The following ZNF177 variants were observed in gnomAD, a reference collection of about 807,000 sequenced individuals.
The protein encoded by ZNF177 is zinc finger protein 177.
In ZNF177, 17 loss-of-function variants were observed where a neutral mutation model predicts 19.4. That is an observed-to-expected ratio of 0.87 (90% CI 0.60 to 1.31). The LOEUF (loss-of-function observed/expected upper bound fraction) is 1.31, where lower values mean the gene tolerates loss of function less well. Ranked by LOEUF, ZNF177 falls within the 40% of genes most tolerant of loss-of-function variation. The pLI, the probability that ZNF177 is intolerant of heterozygous loss-of-function variation, is 0.00. For missense variants in ZNF177, 633 were observed against 561.8 expected (o/e 1.13, Z -1.28); for synonymous variants, 220 against 188.7 (o/e 1.17, Z -1.36).
chr19:9,380,813 C>T, exon 6 of ZNF177: 7 of 1,536,112 alleles, frequency 4.6e-6, no homozygotes, highest in Non-Finnish European at 6.1e-6. Context: ...AACCATCCCT[C>T]AACTCTTAGG....
chr19:9,380,561 A>G (rs2068180706), intron 5 of ZNF177, 107 bp from the exon 8 acceptor site: 6 of 1,534,048 alleles, frequency 3.9e-6, no homozygotes, highest in African/African-American at 1.4e-5. Context: ...CATGTCAGTC[A>G]TGATCATGTG....
chr19:9,378,628 G>A (rs1264584226), intron 2 of ZNF177: 21 of 580,658 alleles, frequency 3.6e-5, no homozygotes, highest in Non-Finnish European at 5.5e-5. Flanking sequence ...CATTTCTCAA[G>A]TATTTCTTGC....
chr19:9,366,108 A>G (rs1232766524), intron 2 of ZNF177, among the ~76,000 whole-genome samples: 1 of 151,972 alleles, frequency 6.6e-6, no homozygotes, highest in Non-Finnish European at 1.5e-5. Flanking sequence ...TCAGCCTCCC[A>G]AGTAGCTAGG....
At chr19:9,381,625 G>C in exon 6 of ZNF177, 1 of 1,614,018 alleles carries the variant, frequency 6.2e-7, no homozygotes, top group Non-Finnish European at 8.5e-7. Context: ...ATGTGGGAAG[G>C]CCTTTAGGAA....
chr19:9,382,338 G>GTT (rs934538376), downstream of ZNF177: 1 of 398,830 alleles, frequency 2.5e-6, no homozygotes, highest in South Asian at 1.3e-4. Flanking sequence ...CTCATCTGGT[G>GTT]TTTTTTTCTT....
chr19:9,366,730 G>C (rs2122487851), intron 2 of ZNF177, among the ~76,000 whole-genome samples: 1 of 152,290 alleles, frequency 6.6e-6, no homozygotes, highest in South Asian at 2.1e-4. Context: ...TTGTTCATGA[G>C]ACGAACTTTT....
At chr19:9,377,631 G>T (rs1438508447) in intron 1 of ZNF177, among the ~76,000 whole-genome samples, 2 of 152,140 alleles carry the variant, frequency 1.3e-5, no homozygotes, top group East Asian at 3.9e-4. Context: ...GGCCTGGAAG[G>T]TAGGCTACTG....
At chr19:9,368,280 G>A (rs1323167108) in intron 2 of ZNF177, among the ~76,000 whole-genome samples, 2 of 152,086 alleles carry the variant, frequency 1.3e-5, no homozygotes, top group African/African-American at 4.8e-5. Context: ...CAAGTCAGTG[G>A]CATTCATTGC....
exon 2 of ZNF177, chr19:9,378,293 G>GT: frequency 1.2e-6 from 2 of 1,613,568 alleles, no homozygotes; most frequent in Non-Finnish European, 1.7e-6. Context: ...AGCCAGGAAG[G>GT]AAACCTACAG....
exon 6 of ZNF177, chr19:9,381,147 G>A (rs1327690134): frequency 1.2e-6 from 2 of 1,614,022 alleles, no homozygotes; most frequent in African/African-American, 1.3e-5. Context: ...TGTCCCTTCA[G>A]AACTGTGTCA....
At chr19:9,379,010 T>G in exon 3 of ZNF177, 1 of 1,609,996 alleles carries the variant, frequency 6.2e-7, no homozygotes, top group Non-Finnish European at 8.5e-7. Context: ...CCAGGAGGAG[T>G]GGGCATTGCT....
rs116070549 is a variant in ZNF177, at chr19:9,377,736, G to A, written c.-53-523G>A. On this transcript the variant is annotated intron_variant, in intron 1 of 5. Coordinates refer to ENST00000589262, the Ensembl canonical transcript of ZNF177. ...AGTGTACTAAATGTTGTTCTGGAAT[G>A]TCACCCTTTTATTATGAAATGCAAA... 5.1e-3 allele frequency among the ~76,000 whole-genome samples: 776 copies of A among 152,272 alleles called. 8 individuals carry two copies. Among genetic ancestry groups the A allele is most frequent in the African/African-American group, 0.018 (736 of 41,544 alleles).
chr19:9,367,472 A>G (rs1431827268), intron 2 of ZNF177, among the ~76,000 whole-genome samples: 2 of 152,204 alleles, frequency 1.3e-5, no homozygotes, highest in East Asian at 1.9e-4. Flanking sequence ...TAATGAAGCA[A>G]ATTATATTGA....
chr19:9,378,054 C>G (rs1205333847), intron 1 of ZNF177, among the ~76,000 whole-genome samples: 1 of 152,038 alleles, frequency 6.6e-6, no homozygotes, highest in African/African-American at 2.4e-5. Flanking sequence ...TTTAGTGGTT[C>G]AGGCTAGAAA....
In ZNF177 at chr19:9,380,766, GAA is replaced by G. The variant is rs2068184785; in HGVS notation, c.437_438del (p.Lys146MetfsTer3). The G allele has an allele frequency of 6.5e-7, 1 of 1,535,994 alleles. No individual in the cohort carries two copies. Among genetic ancestry groups the G allele is most frequent in the Non-Finnish European group, 8.7e-7 (1 of 1,146,908 alleles). On this transcript the variant is annotated frameshift_variant, in exon 6 of 6. Coordinates refer to ENST00000589262, the Ensembl canonical transcript of ZNF177. LOFTEE classifies it low-confidence loss of function (END_TRUNC). ...TTTGTACAAGATATTGCAAGGGAGA[GAA>G]ATGCTATAAATATATAAAGTATAGC...
chr19:9,370,954 G>A (rs8104700), intron 2 of ZNF177, among the ~76,000 whole-genome samples: 93,844 of 152,060 alleles, frequency 0.62, 29,719 homozygotes, highest in African/African-American at 0.75. Flanking sequence ...GTCCAATACA[G>A]TAGCCACTAG....
At chr19:9,379,234 C>A in intron 3 of ZNF177, 146 bp downstream of exon 5, 1 of 1,333,270 alleles carries the variant, frequency 7.5e-7, no homozygotes, top group Non-Finnish European at 1.0e-6. Context: ...AGTCCAGTGG[C>A]TTCCCATGAA....
intron 3 of ZNF177, chr19:9,379,299 G>A: frequency 9.2e-7 from 1 of 1,083,172 alleles, no homozygotes; most frequent in Non-Finnish European, 1.3e-6. Context: ...TTTGCAATCT[G>A]TGTCTCATCT....
chr19:9,381,123 T>C, exon 6 of ZNF177: 5 of 1,613,924 alleles, frequency 3.1e-6, no homozygotes, highest in Non-Finnish European at 4.2e-6. Context: ...ATGAGAAAAC[T>C]TTCACTGACC....
Sources: allele counts gnomAD v4.1 joint callset (sites outside exome capture counted in the v4.1 genomes callset), GRCh38; gene constraint gnomAD v4.1.1; transcripts MANE v1.5; gene names NCBI Gene and HGNC (gene_info 2026-07-23, HGNC 2026-07-21).